TATDN2: variants seen among roughly 807,000 people sequenced by gnomAD.
The protein encoded by TATDN2 is 3'-5' RNA nuclease TATDN2.
Under a neutral mutation model 60.3 loss-of-function variants are expected in TATDN2, and 44 were observed. The ratio of observed to expected loss-of-function variants is 0.73; its 90% CI spans 0.57 to 0.94. TATDN2 has a LOEUF of 0.94. Ranked by LOEUF, TATDN2 falls within the 40% of genes least tolerant of loss-of-function variation. TATDN2 has a pLI of 0.00. For missense variants in TATDN2, 997 were observed against 948.0 expected (o/e 1.05, Z -0.68); for synonymous variants, 399 against 355.8 (o/e 1.12, Z -1.37).
At chr3:10,257,597 CA>C (rs1196293139) in intron 2 of TATDN2, among the ~76,000 whole-genome samples, 33 of 69,178 alleles carry the variant, frequency 4.8e-4, no homozygotes, top group East Asian at 2.3e-3. Flanking sequence ...CCACTGTCTC[CA>C]AAAAAAAAAA....
At chr3:10,262,187 T>A (rs1300007652) in intron 3 of TATDN2, among the ~76,000 whole-genome samples, 1 of 152,176 alleles carries the variant, frequency 6.6e-6, no homozygotes, top group Non-Finnish European at 1.5e-5. Flanking sequence ...TCCTCAGCCC[T>A]CTGTTGTCCT....
intron 2 of TATDN2, 26 bp downstream of exon 2, chr3:10,249,640 C>T (rs748092407): frequency 1.1e-5 from 16 of 1,497,198 alleles, no homozygotes; most frequent in African/African-American, 1.4e-5. Flanking sequence ...GCTTTGCAAT[C>T]GGTGAAGCCC....
intron 2 of TATDN2, among the ~76,000 whole-genome samples, chr3:10,257,612 C>CAAAAAAAAAAAAAAAAAA (rs919342302): frequency 2.8e-5 from 3 of 108,284 alleles, no homozygotes; most frequent in Non-Finnish European, 3.8e-5. Context: ...AAAAAAAAAA[C>CAAAAAAAAAAAAAAAAAA]AAAAAAAAAA....
In TATDN2 at chr3:10,270,250, C is replaced by T. The variant is rs202143044; in HGVS notation, c.1068C>T (p.Ala356=). The change falls in exon 4 of 8, where the codon GCC becomes GCT. Residue 356 remains alanine, a synonymous_variant. Coordinates refer to ENST00000448281, the MANE Select transcript of TATDN2 (RefSeq NM_014760.4). The part of the protein sequence containing the change: ...QEEPVSLKPS[A]VPEPSSFTTD... ...AACCTGTCTCCCTGAAACCTTCAGC[C>T]GTTCCGGAGCCTTCTTCCTTCACCA... The T allele has an allele frequency of 1.4e-5, 22 of 1,614,162 alleles. No individual in the cohort carries two copies. The highest frequency in any genetic ancestry group is 6.7e-5 in the Admixed American group (4 of 60,020).
At chr3:10,262,677 A>G (rs527621511) in intron 3 of TATDN2, among the ~76,000 whole-genome samples, 2 of 151,752 alleles carry the variant, frequency 1.3e-5, no homozygotes, top group South Asian at 4.2e-4. Flanking sequence ...CTGGGATTAC[A>G]GGCACACGCC....
Position 10,270,817 on chromosome 3 carries a change from T to C in TATDN2, c.1635T>C (p.Asp545=). The change falls in exon 4 of 8, where the codon GAT becomes GAC. Residue 545 remains aspartate, a synonymous_variant. Transcript: ENST00000448281. ...TCTGTGATCCCCGCACCCTGACAGATTGCCTATGGGAGGAGCTGTTGAAAG... is the reference window on the plus strand; with the variant it reads ...TCTGTGATCCCCGCACCCTGACAGACTGCCTATGGGAGGAGCTGTTGAAAG... ...SDFCDPRTLT[D]CLWEELLKED... 3.1e-6 allele frequency: 5 copies of C among 1,614,206 alleles called. No homozygotes were observed. The highest frequency in any genetic ancestry group is 4.2e-6 in the Non-Finnish European group (5 of 1,180,030).
rs764216693 is a variant in TATDN2 at position 10,260,213 on chromosome 3, T to A, written c.491T>A (p.Ile164Asn). Residue 164 changes from isoleucine (I) to asparagine (N), a missense_variant, in exon 3 of 8, where the codon ATT (isoleucine) becomes AAT (asparagine). Physicochemically the swap from Ile to Asn is moderately radical, Grantham distance 149 (BLOSUM62 -3). Coordinates refer to ENST00000448281, the MANE Select transcript of TATDN2 (RefSeq NM_014760.4). ...AAEAEGQNDT[I>N]EEPNKVQKRK... ...GAAGCTGAGGGTCAGAATGATACAATTGAGGAACCCAACAAGGTCCAGAAA... is the reference window on the plus strand; with the variant it reads ...GAAGCTGAGGGTCAGAATGATACAAATGAGGAACCCAACAAGGTCCAGAAA... 6.2e-7 allele frequency: 1 copy of A among 1,613,996 alleles called. No individual in the cohort carries two copies. Among genetic ancestry groups the A allele is most frequent in the South Asian group, 1.1e-5 (1 of 91,074 alleles).
In TATDN2 at chr3:10,248,968, C is replaced by A; in HGVS notation, c.-106C>A. ...ACGTTGTGGGCTTGGAAACCGACGG[C>A]AGCCTTTAGTCAATTTTGGATCGCT... is the stretch of plus-strand genomic sequence containing the variant. On this transcript the variant is annotated 5_prime_UTR_variant, in exon 1 of 8. Transcript: ENST00000448281. The A allele has an allele frequency of 2.3e-6, 1 of 436,982 alleles. No individual in the cohort carries two copies. The highest frequency in any genetic ancestry group is 3.9e-6 in the Non-Finnish European group (1 of 258,394). The allele number at this position is 436,982 out of a possible 1,614,324, so 27.1% of individuals were successfully genotyped here.
intron 2 of TATDN2, among the ~76,000 whole-genome samples, chr3:10,252,171 T>A (rs1403354697): frequency 6.7e-6 from 1 of 150,210 alleles, no homozygotes; most frequent in African/African-American, 2.5e-5. Context: ...AAAAAAAATT[T>A]TTTTTTTTGT....
intron 2 of TATDN2, among the ~76,000 whole-genome samples, chr3:10,253,053 T>C (rs1424008050): frequency 1.3e-5 from 2 of 152,054 alleles, no homozygotes; most frequent in African/African-American, 4.8e-5. Context: ...GAGATGGGGT[T>C]TCACCATGTT....
intron 4 of TATDN2, among the ~76,000 whole-genome samples, chr3:10,272,926 C>T (rs774960374): frequency 1.3e-5 from 2 of 150,958 alleles, no homozygotes; most frequent in Non-Finnish European, 2.9e-5. Flanking sequence ...GGGGTCCCAG[C>T]TACTCAGGAG....
intron 2 of TATDN2, among the ~76,000 whole-genome samples, chr3:10,257,841 ATTTTTTTTTTTTTTTTTTT>A (rs553265148): frequency 1.7e-4 from 5 of 30,262 alleles, no homozygotes; most frequent in Non-Finnish European, 2.1e-4. Context: ...AAGGTTTATG[ATTTTTTTTTTTTTTTTTTT>A]TTTTTTTTTT....
chr3:10,267,015 G>T (rs1314080561), intron 3 of TATDN2, among the ~76,000 whole-genome samples: 1 of 147,072 alleles, frequency 6.8e-6, no homozygotes, highest in African/African-American at 2.5e-5. Context: ...TGCCTCCCAG[G>T]TTCAAGTGAT....
At position 10,279,042 on chromosome 3, in the gene TATDN2, C is replaced by T. The variant is rs775065614; in HGVS notation, c.*17C>T. On this transcript the variant is annotated 3_prime_UTR_variant, in exon 7 of 8. Coordinates refer to ENST00000448281, the MANE Select transcript of TATDN2 (RefSeq NM_014760.4). ...AGTCTTTAAGCAGAGAAGGTACAGT[C>T]CTCGGGAGTCTCCTAGAAAAGGTCG... 8 of 1,609,568 alleles carry T rather than the reference C, an allele frequency of 5.0e-6. No individual in the cohort carries two copies. Among genetic ancestry groups the T allele is most frequent in the South Asian group, 2.2e-5 (2 of 90,516 alleles).
At chr3:10,261,062 G>T (rs1698394788) in intron 3 of TATDN2, among the ~76,000 whole-genome samples, 1 of 152,176 alleles carries the variant, frequency 6.6e-6, no homozygotes, top group Non-Finnish European at 1.5e-5. Context: ...GTGTGAAATG[G>T]ATACTCTGAT....
chr3:10,272,484 G>A (rs1698581085), intron 4 of TATDN2, among the ~76,000 whole-genome samples: 1 of 151,254 alleles, frequency 6.6e-6, no homozygotes, highest in Admixed American at 6.6e-5. Context: ...TGTTGGCCAG[G>A]CTGGAGTGCA....
rs778724431 is a variant in TATDN2 at position 10,279,002 on chromosome 3, A to G, written c.2263A>G (p.Thr755Ala). 7.1e-5 allele frequency: 115 copies of G among 1,614,108 alleles called. No individual in the cohort carries two copies. Among genetic ancestry groups the G allele is most frequent in the Non-Finnish European group, 9.2e-5 (108 of 1,180,042 alleles). ...SLTLAALREN[T>A]SRLYSL Reference sequence around the variant, plus strand: ...CACCTTGGCTGCCTTGCGTGAGAACACCAGTCGCCTCTACAGTCTTTAAGC... The same window carrying G: ...CACCTTGGCTGCCTTGCGTGAGAACGCCAGTCGCCTCTACAGTCTTTAAGC... The change falls in exon 7 of 8, where the codon ACC becomes GCC. Residue 755 changes from threonine (T) to alanine (A), a missense_variant. By Grantham distance (58) the Thr-to-Ala change is moderately conservative (BLOSUM62 0). Transcript: ENST00000448281.
intron 2 of TATDN2, among the ~76,000 whole-genome samples, chr3:10,251,285 G>C (rs532647715): frequency 6.6e-6 from 1 of 152,290 alleles, no homozygotes; most frequent in South Asian, 2.1e-4. Context: ...AGGCTGGAGA[G>C]CGAGGTAGGG....
chr3:10,275,430 G>A (rs1698620754), intron 4 of TATDN2, among the ~76,000 whole-genome samples: 2 of 152,180 alleles, frequency 1.3e-5, no homozygotes, highest in South Asian at 4.1e-4. Flanking sequence ...TGACCTGCGA[G>A]GATACGCGAT....
Sources: allele counts gnomAD v4.1 joint callset (sites outside exome capture counted in the v4.1 genomes callset), GRCh38; gene constraint gnomAD v4.1.1; transcripts MANE v1.5; gene names NCBI Gene and HGNC (gene_info 2026-07-23, HGNC 2026-07-21).